The following BLNK variants were observed in gnomAD, a reference collection of about 807,000 sequenced individuals.
BLNK encodes B cell linker.
Under a neutral mutation model 73.5 loss-of-function variants are expected in BLNK, and 29 were observed. The observed-to-expected ratio is 0.39, with a 90% CI of 0.29 to 0.54. The LOEUF is 0.54. Among genes scored for constraint, BLNK ranks in the 20% least tolerant of loss-of-function variants. The pLI, the probability that BLNK is intolerant of heterozygous loss-of-function variation, is 0.61. For missense variants in BLNK, 460 were observed against 562.8 expected (o/e 0.82, Z 1.85); for synonymous variants, 176 against 200.8 (o/e 0.88, Z 1.04).
chr10:96,228,564 T>A (rs1842371218), intron 4 of BLNK, among the ~76,000 whole-genome samples: 1 of 152,194 alleles, frequency 6.6e-6, no homozygotes, highest in Non-Finnish European at 1.5e-5. Flanking sequence ...GCCTGTTTTT[T>A]TAAAATCCAC....
chr10:96,207,960 A>G, intron 9 of BLNK, 61 bp from the exon 10 acceptor site: 1 of 1,546,606 alleles, frequency 6.5e-7, no homozygotes, highest in African/African-American at 1.4e-5. Context: ...GGAGCTATTT[A>G]CCATTATTTT....
chr10:96,254,460 C>G (rs1394983091), intron 1 of BLNK, among the ~76,000 whole-genome samples: 2 of 152,110 alleles, frequency 1.3e-5, no homozygotes, highest in Non-Finnish European at 2.9e-5. Flanking sequence ...GACTCTAACC[C>G]GAGGAGCTGA....
chr10:96,269,488 C>T (rs556121489), intron 1 of BLNK, among the ~76,000 whole-genome samples: 1 of 151,972 alleles, frequency 6.6e-6, no homozygotes, highest in South Asian at 2.1e-4. Context: ...GTTTCTTTGC[C>T]ATGTCTTTCT....
chr10:96,246,791 G>A (rs1295804783), intron 2 of BLNK, among the ~76,000 whole-genome samples, 193 bp downstream of exon 2: 2 of 152,196 alleles, frequency 1.3e-5, no homozygotes, highest in African/African-American at 2.4e-5. Flanking sequence ...AGTCCACTGA[G>A]TACAACTGCA....
chr10:96,207,325 C>A (rs1554897645), intron 10 of BLNK, among the ~76,000 whole-genome samples: 3 of 152,140 alleles, frequency 2.0e-5, no homozygotes, highest in Non-Finnish European at 4.4e-5. Flanking sequence ...TCATGACCCC[C>A]CCAGCAGCTG....
chr10:96,191,046 G>A lies in BLNK; in HGVS notation c.*927C>T, dbSNP rs1037141621. Among the ~76,000 whole-genome samples the A allele has an allele frequency of 5.9e-5, 9 of 151,992 alleles. No individual in the cohort carries two copies. The highest frequency in any genetic ancestry group is 1.5e-4 in the African/African-American group (6 of 41,372). Reference sequence around the variant, plus strand: ...CTGGTGGGAGGTAACTGAATCACGCGGGCAGGTTTTCCCATGTTGTTGTGA... The same window carrying A: ...CTGGTGGGAGGTAACTGAATCACGCAGGCAGGTTTTCCCATGTTGTTGTGA... On this transcript the variant is annotated 3_prime_UTR_variant, in exon 17 of 17. Transcript: ENST00000224337.
In BLNK at chr10:96,222,125, T is replaced by C. The variant is rs1209959523; in HGVS notation, c.525+1701A>G. 2.6e-5 allele frequency among the ~76,000 whole-genome samples: 4 copies of C among 152,388 alleles called. No individual in the cohort carries two copies. The East Asian group carries it at 7.7e-4, about 29-fold the overall frequency. ...GTGTGAGGCACTGTATTTAGTGCTG[T>C]ACATATGTTCTTTTATTAAATTCTC... On this transcript the variant is annotated intron_variant, in intron 6 of 16. Transcript: ENST00000224337.
chr10:96,211,737 T>C (rs1311674949), intron 8 of BLNK, among the ~76,000 whole-genome samples: 1 of 152,218 alleles, frequency 6.6e-6, no homozygotes, highest in Non-Finnish European at 1.5e-5. Flanking sequence ...TTTGGAATGT[T>C]TACATTTCAT....
chr10:96,225,674 C>T (rs1273697468), intron 5 of BLNK, among the ~76,000 whole-genome samples: 1 of 149,300 alleles, frequency 6.7e-6, no homozygotes, highest in Non-Finnish European at 1.5e-5. Flanking sequence ...CAGAGTTTCA[C>T]TCTTGTTGCC....
In BLNK at chr10:96,192,057, A is replaced by G. The variant is rs202240472; in HGVS notation, c.1287T>C (p.His429=). 88 of 1,613,666 alleles carry G rather than the reference A, an allele frequency of 5.5e-5. No homozygotes were observed. The highest frequency in any genetic ancestry group is 2.7e-4 in the Admixed American group (16 of 60,016). Residue 429 remains histidine (H), a synonymous_variant, in exon 17 of 17, where the codon CAT becomes CAC. Coordinates refer to ENST00000224337, the MANE Select transcript of BLNK (RefSeq NM_013314.4). Reference sequence around the variant, plus strand: ...CAATAAGAACCAAAGGACTATGTTGATGATTCCTGATGATTTCAGCAACAC... The same window carrying G: ...CAATAAGAACCAAAGGACTATGTTGGTGATTCCTGATGATTTCAGCAACAC... ...FGSVAEIIRN[H]QHSPLVLIDS... is the part of the protein sequence containing the mutation.
chr10:96,197,903 G>A (rs1404047829), intron 15 of BLNK, among the ~76,000 whole-genome samples: 17 of 128,232 alleles, frequency 1.3e-4, no homozygotes, highest in Admixed American at 2.5e-4. Flanking sequence ...GTGACAGAGC[G>A]AGACAACATC....
intron 8 of BLNK, among the ~76,000 whole-genome samples, chr10:96,212,690 A>G (rs1307388987): frequency 1.3e-5 from 2 of 152,192 alleles, no homozygotes; most frequent in African/African-American, 2.4e-5. Context: ...ACCAGAGGAA[A>G]CTGATGTGGT....
rs375108091 is a variant in BLNK at position 96,225,803 on chromosome 10, C to T, written c.361+1607G>A. Among the ~76,000 whole-genome samples the T allele has an allele frequency of 1.1e-4, 16 of 152,124 alleles. No homozygotes were observed. The East Asian group carries it at 1.5e-3, about 15-fold the overall frequency. ...GATTACTGGCATGCACCACCATGCCCGGCTAATTTTTTTGTATTTTTAATA... is the reference window on the plus strand; with the variant it reads ...GATTACTGGCATGCACCACCATGCCTGGCTAATTTTTTTGTATTTTTAATA... On this transcript the variant is annotated intron_variant, in intron 5 of 16. Transcript: ENST00000224337.
chr10:96,194,462 A>G (rs1488226005), intron 16 of BLNK, among the ~76,000 whole-genome samples: 3 of 152,208 alleles, frequency 2.0e-5, no homozygotes, highest in Admixed American at 6.5e-5. Flanking sequence ...TGGATATGAC[A>G]TTAAAAGCAT....
rs868974604 is a variant in BLNK at position 96,255,612 on chromosome 10, T to C, written c.48-8563A>G. On this transcript the variant is annotated intron_variant, in intron 1 of 16. Coordinates refer to ENST00000224337, the MANE Select transcript of BLNK (RefSeq NM_013314.4). ...AGAGTGTCTCAGGTGAAAGTGACTC[T>C]TTGTAAACAAACAGAATAAATAAAT... Among the ~76,000 whole-genome samples the C allele has an allele frequency of 2.6e-5, 4 of 152,188 alleles. No homozygotes were observed. In the South Asian group the frequency reaches 6.2e-4, roughly 24 times the overall value.
chr10:96,271,209 AG>A (rs1471454644), intron 1 of BLNK, 142 bp downstream of exon 1: 139 of 881,972 alleles, frequency 1.6e-4, no homozygotes, highest in Non-Finnish European at 2.5e-4. Flanking sequence ...TTTCCCTAAA[AG>A]CTCAGTCCAC....
chr10:96,228,806 T>C (rs1842379744), intron 4 of BLNK, among the ~76,000 whole-genome samples: 1 of 152,238 alleles, frequency 6.6e-6, no homozygotes, highest in Non-Finnish European at 1.5e-5. Flanking sequence ...TCCTCTGGCC[T>C]CTGTGTCCAC....
At chr10:96,237,939 T>C (rs1842756541) in intron 3 of BLNK, among the ~76,000 whole-genome samples, 2 of 152,214 alleles carry the variant, frequency 1.3e-5, no homozygotes. Context: ...TTAAATGAGA[T>C]ATGTCTGTGA....
intron 1 of BLNK, among the ~76,000 whole-genome samples, chr10:96,260,766 T>A (rs533038148): frequency 8.5e-5 from 13 of 152,232 alleles, no homozygotes; most frequent in Admixed American, 7.2e-4. Flanking sequence ...GGGGTAGGGG[T>A]GAAAGGAAGC....
Sources: gnomAD v4.1 joint callset for allele counts (sites outside exome capture counted in the v4.1 genomes callset) on GRCh38, gnomAD v4.1.1 for gene constraint, MANE v1.5 for transcripts, NCBI Gene and HGNC (gene_info 2026-07-23, HGNC 2026-07-21) for gene names.